Variants in CSMD1 observed in about 807,000 individuals in gnomAD.
The protein encoded by CSMD1 is CUB and sushi domain-containing protein 1.
Under a neutral mutation model 417.5 loss-of-function variants are expected in CSMD1, and 213 were observed. The observed-to-expected ratio is 0.51, with a 90% CI of 0.46 to 0.57. CSMD1 has a LOEUF of 0.57. CSMD1 is among the 20% of genes least tolerant of loss of function. The pLI is 0.00. For missense variants in CSMD1, 6,923 were observed against 4,529.7 expected (o/e 1.53, Z -15.17); for synonymous variants, 2,862 against 1,736.8 (o/e 1.65, Z -16.11).
At chr8:4,167,289 G>A (rs776637043) in intron 3 of CSMD1, among the ~76,000 whole-genome samples, 1 of 152,136 alleles carries the variant, frequency 6.6e-6, no homozygotes, top group African/African-American at 2.4e-5. Context: ...GAAAATTCGT[G>A]TCTATAACAG....
intron 3 of CSMD1, among the ~76,000 whole-genome samples, chr8:4,232,284 C>T (rs1227596211): frequency 3.9e-5 from 6 of 152,246 alleles, no homozygotes; most frequent in African/African-American, 4.8e-5. Context: ...CTGCAACCTC[C>T]GCCTCCCAGG....
At chr8:4,796,538 G>A (rs1033104877) in intron 1 of CSMD1, among the ~76,000 whole-genome samples, 3 of 150,348 alleles carry the variant, frequency 2.0e-5, no homozygotes, top group East Asian at 3.9e-4. Context: ...CCTCAGACAC[G>A]CTCTCAGACT....
chr8:3,119,332 T>C (rs1482657714), intron 41 of CSMD1, among the ~76,000 whole-genome samples: 1 of 139,866 alleles, frequency 7.1e-6, no homozygotes, highest in Non-Finnish European at 1.5e-5. Flanking sequence ...TTATTTGGTT[T>C]AACTATACAA....
chr8:4,421,784 A>G (rs912151264), intron 2 of CSMD1, among the ~76,000 whole-genome samples: 3 of 152,076 alleles, frequency 2.0e-5, no homozygotes, highest in Non-Finnish European at 2.9e-5. Flanking sequence ...AAAGAAAAAA[A>G]CAAAAAAAAC....
chr8:4,463,955 G>C (rs1217663), intron 2 of CSMD1, among the ~76,000 whole-genome samples: 3,748 of 152,090 alleles, frequency 0.025, 133 homozygotes, highest in African/African-American at 0.086. Flanking sequence ...AGAACAGAGC[G>C]CAATATGGGA....
At chr8:2,949,486 T>C in intron 67 of CSMD1, 100 bp from the exon 68 acceptor site, 1 of 550,850 alleles carries the variant, frequency 1.8e-6, no homozygotes. Context: ...TTATATCTCA[T>C]ATTTAGATAC....
intron 3 of CSMD1, among the ~76,000 whole-genome samples, chr8:4,245,256 C>T (rs542433780): frequency 2.1e-4 from 32 of 152,260 alleles, no homozygotes; most frequent in Admixed American, 5.2e-4. Context: ...ACCTGCATTA[C>T]GCAATGAATT....
rs552019018 is a variant in CSMD1 at position 3,644,495 on chromosome 8, C to A, written c.1010-27698G>T. Among the ~76,000 whole-genome samples the A allele has an allele frequency of 5.1e-4, 78 of 152,174 alleles. 2 individuals carry two copies. In the South Asian group the frequency reaches 0.016, roughly 30 times the overall value. ...CTCCTTGGACATCAAGGCTTTTGCT[C>A]TGATTAGCAAAAAGAAGATGGGGAA... On this transcript the variant is annotated intron_variant, in intron 7 of 69. Transcript: ENST00000635120.
intron 37 of CSMD1, among the ~76,000 whole-genome samples, chr8:3,163,117 A>G (rs1766942376): frequency 6.6e-6 from 1 of 152,216 alleles, no homozygotes; most frequent in African/African-American, 2.4e-5. Context: ...AGTGTACAGC[A>G]TTGGATGTTG....
chr8:4,008,547 T>G (rs1286426619), intron 4 of CSMD1, among the ~76,000 whole-genome samples: 1 of 151,228 alleles, frequency 6.6e-6, no homozygotes, highest in East Asian at 1.9e-4. Flanking sequence ...GATAAATACT[T>G]GATTGTTAAA....
At chr8:4,822,286 G>C (rs1054203847) in intron 1 of CSMD1, among the ~76,000 whole-genome samples, 1 of 152,110 alleles carries the variant, frequency 6.6e-6, no homozygotes, top group Non-Finnish European at 1.5e-5. Flanking sequence ...GCTGTCTTAG[G>C]ACACCAGATA....
chr8:4,899,376 T>C (rs1006011880), intron 1 of CSMD1, among the ~76,000 whole-genome samples: 2 of 152,136 alleles, frequency 1.3e-5, no homozygotes, highest in African/African-American at 4.8e-5. Context: ...AGATGAAATA[T>C]ACTGAGGAAT....
intron 3 of CSMD1, among the ~76,000 whole-genome samples, chr8:4,398,388 C>CTTTTTTT (rs767579097): frequency 4.0e-4 from 46 of 114,498 alleles, no homozygotes; most frequent in Non-Finnish European, 6.3e-4. Flanking sequence ...GCTGCAACTT[C>CTTTTTTT]TTTTTTTTTT....
At chr8:4,029,851 C>A (rs1051086257) in intron 4 of CSMD1, among the ~76,000 whole-genome samples, 4 of 152,156 alleles carry the variant, frequency 2.6e-5, no homozygotes, top group African/African-American at 7.2e-5. Context: ...CAAATGCAGG[C>A]ACAAGAATTG....
chr8:4,436,635 T>C (rs78549942), intron 2 of CSMD1, among the ~76,000 whole-genome samples: 2,257 of 152,276 alleles, frequency 0.015, 61 homozygotes, highest in African/African-American at 0.052. Flanking sequence ...TTCTATTTTT[T>C]TTAATCCATT....
At chr8:4,809,661 G>A (rs933644824) in intron 1 of CSMD1, among the ~76,000 whole-genome samples, 1 of 152,092 alleles carries the variant, frequency 6.6e-6, no homozygotes, top group African/African-American at 2.4e-5. Flanking sequence ...TTTTCTAGGG[G>A]CCATATTTAA....
intron 17 of CSMD1, among the ~76,000 whole-genome samples, chr8:3,394,513 T>A (rs986022702): frequency 6.6e-6 from 1 of 151,940 alleles, no homozygotes; most frequent in African/African-American, 2.4e-5. Flanking sequence ...GCTACAGAAA[T>A]ACAGATGAAA....
intron 3 of CSMD1, among the ~76,000 whole-genome samples, chr8:4,146,919 C>G (rs918055863): frequency 2.0e-5 from 3 of 151,794 alleles, no homozygotes; most frequent in African/African-American, 7.3e-5. Flanking sequence ...GCCAGACACA[C>G]TGAACTTTAA....
At chr8:3,574,526 C>T (rs1427030023) in intron 10 of CSMD1, among the ~76,000 whole-genome samples, 1 of 152,278 alleles carries the variant, frequency 6.6e-6, no homozygotes, top group Non-Finnish European at 1.5e-5. Flanking sequence ...GCATTACAGG[C>T]TTGAGCGACT....
Sources: gnomAD v4.1 joint callset for allele counts (sites outside exome capture counted in the v4.1 genomes callset) on GRCh38, gnomAD v4.1.1 for gene constraint, MANE v1.5 for transcripts, NCBI Gene and HGNC (gene_info 2026-07-23, HGNC 2026-07-21) for gene names.